ANKRD12: variants seen among roughly 807,000 people sequenced by gnomAD.
ANKRD12 encodes ankyrin repeat domain-containing protein 12.
Under a neutral mutation model 183.4 loss-of-function variants are expected in ANKRD12, and 85 were observed. That is an observed-to-expected ratio of 0.46 (90% CI 0.39 to 0.56). ANKRD12 has a LOEUF of 0.56. Among genes scored for constraint, ANKRD12 ranks in the 20% least tolerant of loss-of-function variants. The probability of loss-of-function intolerance (pLI) is 0.00; values close to 1 mark genes in which losing one functional copy is unlikely to be tolerated. For missense variants in ANKRD12, 2,405 were observed against 2,357.1 expected, an observed-to-expected ratio of 1.02 and a Z score of -0.42; for synonymous variants, 914 against 800.2, an observed-to-expected ratio of 1.14 and a Z score of -2.40.
intron 1 of ANKRD12, among the ~76,000 whole-genome samples, chr18:9,172,970 C>A (rs2032888645): frequency 6.6e-6 from 1 of 151,834 alleles, no homozygotes; most frequent in Non-Finnish European, 1.5e-5. Context: ...GGCACAATCC[C>A]AGCTTACTGC....
intron 7 of ANKRD12, among the ~76,000 whole-genome samples, chr18:9,217,989 C>T (rs538079771): frequency 1.3e-5 from 2 of 152,106 alleles, no homozygotes; most frequent in African/African-American, 4.8e-5. Context: ...GGTACATTGC[C>T]CTTTCCTTTG....
rs747898333 is a variant in ANKRD12, at chr18:9,221,876, G to A, written c.820G>A (p.Gly274Ser). The A allele has an allele frequency of 6.8e-6, 11 of 1,613,706 alleles. No individual in the cohort carries two copies. ...GATAGTAAAGCTGTTACTTCGTCAC[G>A]GTGGAAATCCATTTCAAGCTAATAA... ...RDIVKLLLRH[G>S]GNPFQANKHG... The change falls in exon 8 of 13, where the codon GGT becomes AGT. Residue 274 changes from glycine (G) to serine (S), a missense_variant. By Grantham distance (56) the Gly-to-Ser change is moderately conservative. This residue lies in a region of ANKRD12 where 40 missense variants were observed against 54.2 expected (regional missense o/e 0.74). Transcript: ENST00000262126.
intron 10 of ANKRD12, among the ~76,000 whole-genome samples, chr18:9,267,966 A>G (rs1201194826): frequency 6.6e-6 from 1 of 152,196 alleles, no homozygotes; most frequent in African/African-American, 2.4e-5. Context: ...CAGAAACACA[A>G]ACTACCATCA....
chr18:9,186,791 C>T (rs7505670), intron 2 of ANKRD12, among the ~76,000 whole-genome samples: 5 of 143,760 alleles, frequency 3.5e-5, no homozygotes, highest in African/African-American at 7.9e-5. Context: ...CGCTCTTTTT[C>T]CCCGGGCCGG....
intron 1 of ANKRD12, among the ~76,000 whole-genome samples, chr18:9,170,978 CCT>C (rs1456653240): frequency 4.6e-5 from 7 of 152,180 alleles, no homozygotes; most frequent in African/African-American, 1.7e-4. Context: ...CACTCCAGAC[CCT>C]GTTTGCCTGG....
At chr18:9,186,024 A>G (rs1174915072) in intron 2 of ANKRD12, among the ~76,000 whole-genome samples, 1 of 152,166 alleles carries the variant, frequency 6.6e-6, no homozygotes, top group Non-Finnish European at 1.5e-5. Context: ...TTGGATTTGA[A>G]TTTATGAGGC....
intron 7 of ANKRD12, among the ~76,000 whole-genome samples, chr18:9,217,366 C>T (rs1317179132): frequency 6.6e-6 from 1 of 152,110 alleles, no homozygotes; most frequent in Non-Finnish European, 1.5e-5. Flanking sequence ...ACCTCCGTTT[C>T]CTCATCTTTA....
intron 8 of ANKRD12, among the ~76,000 whole-genome samples, chr18:9,245,751 C>G (rs2037925405): frequency 6.6e-6 from 1 of 152,030 alleles, no homozygotes; most frequent in Non-Finnish European, 1.5e-5. Context: ...ATACTTTGTT[C>G]TAGAGCCTAG....
chr18:9,238,981 G>A (rs567470745), intron 8 of ANKRD12, among the ~76,000 whole-genome samples: 5 of 152,242 alleles, frequency 3.3e-5, no homozygotes, highest in African/African-American at 9.6e-5. Flanking sequence ...AATTAGCAGG[G>A]CATGGTGGCA....
chr18:9,254,075 A>G lies in ANKRD12; in HGVS notation c.944-136A>G, dbSNP rs952471299. 8.2e-5 allele frequency: 84 copies of G among 1,030,164 alleles called. No individual in the cohort carries two copies. In the East Asian group the frequency reaches 2.1e-3, roughly 25 times the overall value. The allele number at this position is 1,030,164 out of a possible 1,614,324, so 63.8% of individuals were successfully genotyped here. A position where few individuals can be genotyped will look rare whatever the true frequency, so the allele number is the denominator to read the frequency against. ...TACACATTGCTATTACATTATTTCC[A>G]TATAAATCTGAAGTGATTATGAATT... is the stretch of plus-strand genomic sequence containing the variant. On this transcript the variant is annotated intron_variant, in intron 8 of 12. Transcript: ENST00000262126.
chr18:9,157,926 A>T (rs989107754), intron 1 of ANKRD12, among the ~76,000 whole-genome samples: 9 of 152,156 alleles, frequency 5.9e-5, no homozygotes, highest in Non-Finnish European at 4.4e-5. Context: ...CAAAGAACTT[A>T]AGTGGTCAAA....
rs1245116450 is a variant in ANKRD12, at chr18:9,283,944, C to T, written c.*2818C>T. The T allele has an allele frequency of 6.6e-6, 1 of 152,120 alleles. No individual in the cohort carries two copies. The allele number at this position is 152,120 out of a possible 1,614,324, so 9.4% of individuals were successfully genotyped here. On this transcript the variant is annotated 3_prime_UTR_variant, in exon 13 of 13. Coordinates refer to ENST00000262126, the MANE Select transcript of ANKRD12 (RefSeq NM_015208.5). The stretch of plus-strand genomic sequence containing the variant: ...TTTTTAAGTACAGGCATACCTCAGA[C>T]GTACTTTAGGTTCCAGACCATCTCA...
intron 9 of ANKRD12, among the ~76,000 whole-genome samples, chr18:9,262,143 GAT>G (rs1219868957): frequency 6.6e-6 from 1 of 152,152 alleles, no homozygotes; most frequent in Non-Finnish European, 1.5e-5. Flanking sequence ...TCATAATGCT[GAT>G]TATAGAGTCT....
Position 9,222,601 on chromosome 18 carries a change from G to A in ANKRD12, c.943+602G>A, listed in dbSNP as rs562923717. On this transcript the variant is annotated intron_variant, in intron 8 of 12. Transcript: ENST00000262126. ...AATTCAGTGAAAAAGAGTTTCATCA[G>A]TTTTACAAATGGCTGTTTCCTCGTA... Among the ~76,000 whole-genome samples, 4 of 151,958 alleles carry A rather than the reference G, an allele frequency of 2.6e-5. No homozygotes were observed. In the East Asian group the frequency reaches 7.7e-4, roughly 29 times the overall value.
chr18:9,175,388 G>A lies in ANKRD12; in HGVS notation c.-51-6994G>A, dbSNP rs2033167618. Among the ~76,000 whole-genome samples, 7 of 152,128 alleles carry A rather than the reference G, an allele frequency of 4.6e-5. No homozygotes were observed. In the South Asian group the frequency reaches 1.2e-3, roughly 27 times the overall value. ...CAGCCCTATCTTCTAAATAGTCTGA[G>A]TTGTCTTTCTCTGTTATTGGATTTT... On this transcript the variant is annotated intron_variant, in intron 1 of 12. Coordinates refer to ENST00000262126, the MANE Select transcript of ANKRD12 (RefSeq NM_015208.5).
chr18:9,137,620 T>G (rs7505266), intron 1 of ANKRD12: 115,350 of 151,796 alleles, frequency 0.76, 44,289 homozygotes, highest in Middle Eastern at 0.88. Context: ...GTGGATGAAA[T>G]CAAGAAGGGG....
intron 1 of ANKRD12, among the ~76,000 whole-genome samples, chr18:9,148,851 A>G (rs995980770): frequency 2.6e-5 from 4 of 152,196 alleles, no homozygotes; most frequent in African/African-American, 7.2e-5. Context: ...TTGTTACCAT[A>G]AAGAACAGAC....
rs61998160 is a variant in ANKRD12 at position 9,254,593 on chromosome 18, A to G, written c.1326A>G (p.Ser442=). Residue 442 remains serine (S), a synonymous_variant, in exon 9 of 13, where the codon TCA becomes TCG. Coordinates refer to ENST00000262126, the MANE Select transcript of ANKRD12 (RefSeq NM_015208.5). ...TTCAGAATAAAAAGATTTCTACTTC[A>G]TGTTCCGTCATCCCTGAAACATCAA... ...EALQNKKIST[S]CSVIPETSNS... is the part of the protein sequence containing the mutation. The G allele has an allele frequency of 1.9e-6, 3 of 1,582,134 alleles. No homozygotes were observed. The highest frequency in any genetic ancestry group is 1.4e-5 in the African/African-American group (1 of 73,354).
Position 9,221,974 on chromosome 18 carries a change from A to G in ANKRD12, c.918A>G (p.Leu306=). 1 of 1,614,002 alleles carries G rather than the reference A, an allele frequency of 6.2e-7. No individual in the cohort carries two copies. The highest frequency in any genetic ancestry group is 1.7e-4 in the Middle Eastern group (1 of 6,060). The part of the protein sequence containing the change: ...LELLLKREVP[L]SDDDESYTDS... ...TGCTACTAAAAAGAGAGGTGCCTTT[A>G]TCTGATGATGATGAAAGTTACACAG... Residue 306 remains leucine, a synonymous_variant, in exon 8 of 13, where the codon TTA becomes TTG. Coordinates refer to ENST00000262126, the MANE Select transcript of ANKRD12 (RefSeq NM_015208.5).
Sources: gnomAD v4.1 joint callset for allele counts (sites outside exome capture counted in the v4.1 genomes callset) on GRCh38, gnomAD v4.1.1 for gene constraint, gnomAD v4.1.1 regional missense constraint, MANE v1.5 for transcripts, NCBI Gene and HGNC (gene_info 2026-07-23, HGNC 2026-07-21) for gene names.